VPS13B: variants seen among roughly 807,000 people sequenced by gnomAD.
VPS13B encodes intermembrane lipid transfer protein VPS13B.
Under a neutral mutation model 426.4 loss-of-function variants are expected in VPS13B, and 285 were observed. The ratio of observed to expected loss-of-function variants is 0.67; its 90% confidence interval spans 0.61 to 0.74. The LOEUF is 0.74. Among genes scored for constraint, VPS13B ranks in the 30% least tolerant of loss-of-function variants. The probability of loss-of-function intolerance (pLI) is 0.00; values close to 1 mark genes in which losing one functional copy is unlikely to be tolerated. For synonymous variants in VPS13B, 1,676 were observed against 1,676.4 expected (o/e 1.00, Z 0.01); for missense variants, 4,537 against 4,782.6 (o/e 0.95, Z 1.51).
intron 33 of VPS13B, among the ~76,000 whole-genome samples, chr8:99,628,113 G>A (rs141029174): frequency 5.9e-4 from 90 of 152,250 alleles, no homozygotes; most frequent in African/African-American, 2.1e-3. Flanking sequence ...ACTCCGTGTC[G>A]ACTAAAGGAA....
intron 23 of VPS13B, 106 bp from the exon 24 acceptor site, chr8:99,467,308 G>T (rs890627797): frequency 1.8e-6 from 2 of 1,132,892 alleles, no homozygotes; most frequent in Non-Finnish European, 2.7e-6. Flanking sequence ...TTTTTATGAT[G>T]CAGTATTAGT....
chr8:99,355,828 A>G (rs769405708), intron 19 of VPS13B, among the ~76,000 whole-genome samples: 2 of 151,988 alleles, frequency 1.3e-5, no homozygotes, highest in African/African-American at 4.8e-5. Flanking sequence ...TCTCTTTTCT[A>G]TTACTTATAA....
intron 36 of VPS13B, among the ~76,000 whole-genome samples, chr8:99,707,320 G>T (rs571815205): frequency 6.6e-6 from 1 of 152,140 alleles, no homozygotes; most frequent in African/African-American, 2.4e-5. Context: ...ACTTTGAGAG[G>T]ATTAGGTGAC....
At chr8:99,186,795 T>C (rs1813242210) in intron 16 of VPS13B, among the ~76,000 whole-genome samples, 2 of 152,126 alleles carry the variant, frequency 1.3e-5, no homozygotes, top group Non-Finnish European at 2.9e-5. Context: ...AAGCTTCTCC[T>C]TTGATATTAA....
At chr8:99,267,066 A>C (rs896777499) in intron 17 of VPS13B, among the ~76,000 whole-genome samples, 1 of 152,172 alleles carries the variant, frequency 6.6e-6, no homozygotes, top group Non-Finnish European at 1.5e-5. Context: ...AAAATGTGGG[A>C]AAGTTTGGAA....
At chr8:99,265,977 A>T (rs1287213820) in intron 17 of VPS13B, among the ~76,000 whole-genome samples, 1 of 152,122 alleles carries the variant, frequency 6.6e-6, no homozygotes, top group Non-Finnish European at 1.5e-5. Context: ...TAATTTCTTA[A>T]TAGTCTTTTG....
chr8:99,432,659 A>T (rs1437045277), intron 22 of VPS13B, among the ~76,000 whole-genome samples: 1 of 152,174 alleles, frequency 6.6e-6, no homozygotes, highest in Non-Finnish European at 1.5e-5. Context: ...GAAGATCTTT[A>T]TTTATCAATA....
intron 30 of VPS13B, 75 bp downstream of exon 30, chr8:99,521,085 T>A: frequency 8.5e-7 from 1 of 1,176,446 alleles, no homozygotes; most frequent in Non-Finnish European, 1.3e-6. Flanking sequence ...AATAACTTAG[T>A]GTGGCCTGTA....
rs374682407 is a variant in VPS13B at position 99,875,818 on chromosome 8, CTGCCACCATAAAGGGCTGCATTT to C, written c.*177_*199del. The C allele has an allele frequency of 0.012, 12,290 of 1,004,780 alleles. 109 individuals carry two copies. The highest frequency in any genetic ancestry group is 0.023 in the Middle Eastern group (82 of 3,512). 62.2% of individuals were successfully genotyped at this position (1,004,780 alleles called of 1,614,324 possible). On this transcript the variant is annotated 3_prime_UTR_variant, in exon 62 of 62. Transcript: ENST00000357162. ...CACAAGTAGCTACGACTGCAAGCAC[CTGCCACCATAAAGGGCTGCATTT>C]TGCCACCATAAAGGGCTGCATTTTT...
intron 39 of VPS13B, among the ~76,000 whole-genome samples, chr8:99,725,734 T>C (rs1049574740): frequency 2.6e-5 from 4 of 152,202 alleles, no homozygotes; most frequent in Admixed American, 6.5e-5. Context: ...AATGAATGTG[T>C]TTTGATTTTC....
At chr8:99,224,158 CTG>C (rs1298980593) in intron 17 of VPS13B, among the ~76,000 whole-genome samples, 1 of 152,146 alleles carries the variant, frequency 6.6e-6, no homozygotes, top group African/African-American at 2.4e-5. Context: ...TGTGACATAA[CTG>C]TTGCATGACT....
intron 35 of VPS13B, among the ~76,000 whole-genome samples, chr8:99,679,563 T>C (rs903145178): frequency 1.3e-5 from 2 of 152,208 alleles, no homozygotes; most frequent in Non-Finnish European, 2.9e-5. Flanking sequence ...ATAAGTATCA[T>C]GAACTGCTGC....
At chr8:99,745,590 A>G (rs1810040376) in intron 39 of VPS13B, among the ~76,000 whole-genome samples, 1 of 152,140 alleles carries the variant, frequency 6.6e-6, no homozygotes. Context: ...TAGTGTGTAT[A>G]TATACAGAGA....
At chr8:99,051,935 G>A (rs918181134) in intron 3 of VPS13B, among the ~76,000 whole-genome samples, 1 of 152,188 alleles carries the variant, frequency 6.6e-6, no homozygotes, top group Non-Finnish European at 1.5e-5. Context: ...TTTGGGATGA[G>A]ATGATGGGGT....
intron 2 of VPS13B, among the ~76,000 whole-genome samples, chr8:99,032,042 T>A (rs1213364085): frequency 6.6e-6 from 1 of 152,210 alleles, no homozygotes; most frequent in East Asian, 1.9e-4. Flanking sequence ...AACTGCCCTG[T>A]AGCTTGGATT....
chr8:99,502,110 G>A lies in VPS13B; in HGVS notation c.4042+252G>A, dbSNP rs964747524. 6.6e-5 allele frequency among the ~76,000 whole-genome samples: 10 copies of A among 151,914 alleles called. No homozygotes were observed. In the East Asian group the frequency reaches 1.9e-3, roughly 29 times the overall value. On this transcript the variant is annotated intron_variant, in intron 26 of 61. Transcript: ENST00000357162. ...AGTGATTCTCCTGCCTCAGCCTCCC[G>A]AATAGCTGAGATTACAGGCGTGCAC...
chr8:99,365,269 A>G (rs965139063), intron 19 of VPS13B, among the ~76,000 whole-genome samples: 7 of 147,212 alleles, frequency 4.8e-5, no homozygotes, highest in African/African-American at 1.8e-4. Context: ...AATTTCATTT[A>G]TTTCTGCTCT....
chr8:99,572,903 A>G (rs570899649), intron 31 of VPS13B, among the ~76,000 whole-genome samples: 10,390 of 151,766 alleles, frequency 0.068, 475 homozygotes, highest in South Asian at 0.12. Flanking sequence ...GGTTGAACTA[A>G]TTTACAGTCC....
intron 30 of VPS13B, 101 bp downstream of exon 30, chr8:99,521,111 C>T (rs768615147): frequency 1.0e-6 from 1 of 988,522 alleles, no homozygotes; most frequent in Non-Finnish European, 1.6e-6. Flanking sequence ...ATTTCTCATT[C>T]AGGATCTTTT....
Sources: gnomAD v4.1 joint callset for allele counts (sites outside exome capture counted in the v4.1 genomes callset) on GRCh38, gnomAD v4.1.1 for gene constraint, MANE v1.5 for transcripts, NCBI Gene and HGNC (gene_info 2026-07-23, HGNC 2026-07-21) for gene names.